The following CYP7B1 variants were observed in gnomAD, a reference collection of about 807,000 sequenced individuals.
CYP7B1 encodes cytochrome P450 7B1.
A neutral mutation model predicts 42.7 loss-of-function variants in CYP7B1; 29 were observed. The observed-to-expected ratio is 0.68, with a 90% CI of 0.51 to 0.93. CYP7B1 has a LOEUF of 0.93. Among genes scored for constraint, CYP7B1 ranks in the 40% least tolerant of loss-of-function variants. The pLI, the probability that CYP7B1 is intolerant of heterozygous loss-of-function variation, is 0.00. For synonymous variants in CYP7B1, 235 were observed against 218.2 expected (o/e 1.08, Z -0.68); for missense variants, 655 against 600.5 (o/e 1.09, Z -0.95).
chr8:64,692,086 A>T (rs1456442192), intron 1 of CYP7B1, among the ~76,000 whole-genome samples: 2 of 152,316 alleles, frequency 1.3e-5, no homozygotes, highest in East Asian at 3.9e-4. Flanking sequence ...ATGAATACGC[A>T]TATGCTAACA....
intron 1 of CYP7B1, among the ~76,000 whole-genome samples, chr8:64,761,353 T>A (rs1316908697): frequency 1.3e-5 from 2 of 152,206 alleles, no homozygotes; most frequent in East Asian, 3.9e-4. Flanking sequence ...CTGCAAAAAA[T>A]TGTTAACGTG....
intron 1 of CYP7B1, among the ~76,000 whole-genome samples, chr8:64,778,962 A>T (rs572912794): frequency 5.9e-5 from 9 of 152,256 alleles, no homozygotes; most frequent in African/African-American, 2.2e-4. Context: ...CACACAATCT[A>T]GTGCAAGAAG....
intron 1 of CYP7B1, among the ~76,000 whole-genome samples, chr8:64,726,128 T>C (rs1807320733): frequency 6.6e-6 from 1 of 152,234 alleles, no homozygotes; most frequent in Non-Finnish European, 1.5e-5. Context: ...ATCCCTTTTA[T>C]GGAACAAACA....
rs778336336 is a variant in CYP7B1 at position 64,594,459 on chromosome 8, T to C, written c.*2183A>G. Among the ~76,000 whole-genome samples the C allele has an allele frequency of 6.6e-6, 1 of 152,160 alleles. No individual in the cohort carries two copies. The highest frequency in any genetic ancestry group is 1.5e-5 in the Non-Finnish European group (1 of 68,032). On this transcript the variant is annotated 3_prime_UTR_variant, in exon 6 of 6. Coordinates refer to ENST00000310193, the MANE Select transcript of CYP7B1 (RefSeq NM_004820.5). ...GAAAATAGGTACTCAAGATAATATA[T>C]GTTACATGAAAACATATACATACCA...
At chr8:64,641,536 G>A (rs974680286) in intron 1 of CYP7B1, among the ~76,000 whole-genome samples, 5 of 152,030 alleles carry the variant, frequency 3.3e-5, no homozygotes, top group Admixed American at 1.3e-4. Flanking sequence ...TACTTGAAAA[G>A]GTTCAGGAAA....
At chr8:64,627,393 C>T (rs1217739775) in intron 1 of CYP7B1, among the ~76,000 whole-genome samples, 1 of 152,168 alleles carries the variant, frequency 6.6e-6, no homozygotes, top group Non-Finnish European at 1.5e-5. Context: ...TATCAATGAC[C>T]CTTTCAAATT....
At chr8:64,767,671 G>A (rs1419795075) in intron 1 of CYP7B1, among the ~76,000 whole-genome samples, 1 of 152,202 alleles carries the variant, frequency 6.6e-6, no homozygotes, top group African/African-American at 2.4e-5. Flanking sequence ...AAACTATCAA[G>A]CAGATAGTCA....
intron 1 of CYP7B1, among the ~76,000 whole-genome samples, chr8:64,794,051 A>C (rs570549244): frequency 3.3e-5 from 5 of 152,262 alleles, no homozygotes; most frequent in African/African-American, 1.2e-4. Flanking sequence ...CTTAAAGAAC[A>C]GACCAATATT....
At chr8:64,597,808 G>A (rs529056513) in intron 5 of CYP7B1, among the ~76,000 whole-genome samples, 2 of 152,254 alleles carry the variant, frequency 1.3e-5, no homozygotes, top group South Asian at 4.1e-4. Context: ...ATTAATGTCC[G>A]TGGCTTGCAT....
intron 1 of CYP7B1, among the ~76,000 whole-genome samples, chr8:64,652,273 A>G (rs1308883548): frequency 6.6e-6 from 1 of 152,152 alleles, no homozygotes; most frequent in East Asian, 1.9e-4. Flanking sequence ...CTCTTTTAAA[A>G]ATTGGCTCAT....
chr8:64,587,469 G>A (rs890177998), downstream of CYP7B1, among the ~76,000 whole-genome samples: 4 of 152,202 alleles, frequency 2.6e-5, no homozygotes, highest in African/African-American at 9.6e-5. Flanking sequence ...ATGGCAGCAG[G>A]CATGTGGGTT....
chr8:64,762,701 A>G (rs1807907205), intron 1 of CYP7B1, among the ~76,000 whole-genome samples: 1 of 152,232 alleles, frequency 6.6e-6, no homozygotes, highest in East Asian at 1.9e-4. Flanking sequence ...GCCATTATTC[A>G]CATAAAAGTT....
chr8:64,742,441 G>GA (rs1007387398), intron 1 of CYP7B1, among the ~76,000 whole-genome samples: 4 of 151,506 alleles, frequency 2.6e-5, no homozygotes, highest in East Asian at 1.9e-4. Context: ...TTATTAATAA[G>GA]AAAAAAAAGA....
At chr8:64,589,238 C>G (rs981111191), downstream of CYP7B1, among the ~76,000 whole-genome samples, 3 of 152,188 alleles carry the variant, frequency 2.0e-5, no homozygotes, top group Non-Finnish European at 4.4e-5. Flanking sequence ...CAAGAATCAA[C>G]TAAGATCTTG....
At chr8:64,798,247 A>G (rs544960104) in intron 1 of CYP7B1, among the ~76,000 whole-genome samples, 6 of 152,368 alleles carry the variant, frequency 3.9e-5, no homozygotes, top group African/African-American at 1.4e-4. Context: ...GGAGCAGCAA[A>G]TGGAATTCGG....
At chr8:64,757,076 G>A (rs1420887564) in intron 1 of CYP7B1, among the ~76,000 whole-genome samples, 3 of 152,162 alleles carry the variant, frequency 2.0e-5, no homozygotes, top group East Asian at 1.9e-4. Context: ...GTCCTAGGGT[G>A]AGAGCTCAAG....
At chr8:64,780,521 T>C (rs1563425947) in intron 1 of CYP7B1, among the ~76,000 whole-genome samples, 1 of 151,744 alleles carries the variant, frequency 6.6e-6, no homozygotes, top group Non-Finnish European at 1.5e-5. Context: ...CACTTTCCTA[T>C]ATAAAAAAAA....
intron 1 of CYP7B1, among the ~76,000 whole-genome samples, chr8:64,788,344 G>T (rs1320016556): frequency 6.6e-6 from 1 of 152,174 alleles, no homozygotes; most frequent in Non-Finnish European, 1.5e-5. Context: ...ATGTCATTTT[G>T]TGATAACTTG....
At chr8:64,697,099 T>C (rs962021236) in intron 1 of CYP7B1, among the ~76,000 whole-genome samples, 3 of 152,120 alleles carry the variant, frequency 2.0e-5, no homozygotes, top group African/African-American at 7.2e-5. Context: ...TGAAGGAAAA[T>C]AGAAACTGCC....
Sources: gnomAD v4.1 joint callset for allele counts (sites outside exome capture counted in the v4.1 genomes callset) on GRCh38, gnomAD v4.1.1 for gene constraint, MANE v1.5 for transcripts, NCBI Gene and HGNC (gene_info 2026-07-23, HGNC 2026-07-21) for gene names.